The following SLC24A2 variants were observed in gnomAD, a reference collection of about 807,000 sequenced individuals.
The protein encoded by SLC24A2 is sodium/potassium/calcium exchanger 2.
A neutral mutation model predicts 62.0 loss-of-function variants in SLC24A2; 36 were observed. That is an observed-to-expected ratio of 0.58 (90% CI 0.44 to 0.77). SLC24A2 has a LOEUF of 0.77. Ranked by LOEUF, SLC24A2 falls within the 30% of genes least tolerant of loss-of-function variation. The pLI is 0.00. For missense variants in SLC24A2, 846 were observed against 817.9 expected, an observed-to-expected ratio of 1.03 and a Z score of -0.42; for synonymous variants, 358 against 294.0, an observed-to-expected ratio of 1.22 and a Z score of -2.23.
the SLC24A2 span, among the ~76,000 whole-genome samples, chr9:19,881,006 CT>C: frequency 3.9e-5 from 6 of 152,120 alleles, no homozygotes; most frequent in African/African-American, 1.4e-4. Context: ...CTATGCCTCC[CT>C]TTTCCTTCTG....
rs141727924 is a variant in SLC24A2, at chr9:19,548,085, C to T, written c.1479+2052G>A. 1.1e-3 allele frequency among the ~76,000 whole-genome samples: 170 copies of T among 151,668 alleles called. 11 individuals carry two copies. Among genetic ancestry groups the T allele is most frequent in the African/African-American group, 3.8e-3 (157 of 40,962 alleles). ...ACTGCTGGGAGTCCATACAAGGAGTCCTTTCTTGTTGTCTACTTGACAAGA... is the reference window on the plus strand; with the variant it reads ...ACTGCTGGGAGTCCATACAAGGAGTTCTTTCTTGTTGTCTACTTGACAAGA... On this transcript the variant is annotated intron_variant, in intron 8 of 10. Transcript: ENST00000341998.
chr9:19,634,420 C>G (rs1242750655), intron 2 of SLC24A2, among the ~76,000 whole-genome samples: 2 of 152,030 alleles, frequency 1.3e-5, no homozygotes, highest in East Asian at 1.9e-4. Context: ...TCCTGAGTAG[C>G]TGGGAATACA....
At chr9:19,703,946 A>T (rs1024194524) in intron 2 of SLC24A2, among the ~76,000 whole-genome samples, 2 of 152,196 alleles carry the variant, frequency 1.3e-5, no homozygotes, top group Non-Finnish European at 2.9e-5. Flanking sequence ...ATAATGATGG[A>T]TATATGCTAA....
intron 7 of SLC24A2, among the ~76,000 whole-genome samples, chr9:19,568,126 A>C (rs1463644617): frequency 6.6e-6 from 1 of 152,166 alleles, no homozygotes; most frequent in Non-Finnish European, 1.5e-5. Flanking sequence ...TAAAAATACA[A>C]CTCAAAAGGA....
chr9:20,077,878 T>C, the SLC24A2 span, among the ~76,000 whole-genome samples: 1 of 152,178 alleles, frequency 6.6e-6, no homozygotes, highest in Non-Finnish European at 1.5e-5. Flanking sequence ...ACCCATTTTA[T>C]CTGTAAAACA....
At chr9:19,552,855 T>A (rs546263905) in intron 7 of SLC24A2, among the ~76,000 whole-genome samples, 2 of 152,232 alleles carry the variant, frequency 1.3e-5, no homozygotes, top group African/African-American at 4.8e-5. Context: ...AAAATAATAA[T>A]TGTCTGTTTA....
chr9:20,190,511 C>A, the SLC24A2 span, among the ~76,000 whole-genome samples: 1 of 152,144 alleles, frequency 6.6e-6, no homozygotes, highest in Non-Finnish European at 1.5e-5. Context: ...TAATATACAT[C>A]ATATATTGTG....
the SLC24A2 span, among the ~76,000 whole-genome samples, chr9:19,990,630 CAAAACAAAAAAAAAAAA>C: frequency 1.5e-4 from 18 of 116,586 alleles, no homozygotes; most frequent in African/African-American, 5.6e-4. Flanking sequence ...AAAAAAAAAA[CAAAACAAAAAAAAAAAA>C]GGAAAAGAAA....
At chr9:19,751,574 A>G (rs1013436697) in intron 2 of SLC24A2, among the ~76,000 whole-genome samples, 1 of 152,142 alleles carries the variant, frequency 6.6e-6, no homozygotes, top group African/African-American at 2.4e-5. Context: ...ACTTCAGCCA[A>G]TGCTGGGGAG....
At chr9:20,030,977 GA>G in the SLC24A2 span, among the ~76,000 whole-genome samples, 2 of 152,070 alleles carry the variant, frequency 1.3e-5, no homozygotes, top group African/African-American at 4.8e-5. Context: ...CCCTTTTGGT[GA>G]GGAAAAGATT....
the SLC24A2 span, among the ~76,000 whole-genome samples, chr9:20,051,657 C>CTTATTTTTTTT: frequency 1.4e-5 from 1 of 73,514 alleles, no homozygotes; most frequent in Admixed American, 2.0e-4. Context: ...TTTTCTTTCT[C>CTTATTTTTTTT]TTTTTTTTTT....
chr9:20,248,218 A>T, the SLC24A2 span, among the ~76,000 whole-genome samples: 1 of 152,064 alleles, frequency 6.6e-6, no homozygotes, highest in Non-Finnish European at 1.5e-5. Context: ...AATGCAAGGA[A>T]CCCGTATGGG....
the SLC24A2 span, among the ~76,000 whole-genome samples, chr9:20,221,503 A>T: frequency 6.6e-6 from 1 of 152,092 alleles, no homozygotes; most frequent in Non-Finnish European, 1.5e-5. Context: ...TAAGAGGAGA[A>T]GGTATGACAT....
the SLC24A2 span, among the ~76,000 whole-genome samples, chr9:19,948,311 G>A: frequency 6.6e-6 from 1 of 152,116 alleles, no homozygotes; most frequent in Non-Finnish European, 1.5e-5. Flanking sequence ...AAAAATGAAG[G>A]CAGGCTCCCA....
intron 2 of SLC24A2, among the ~76,000 whole-genome samples, chr9:19,663,352 G>T (rs866964826): frequency 6.6e-6 from 1 of 152,142 alleles, no homozygotes; most frequent in Non-Finnish European, 1.5e-5. Context: ...CCTTCCGATC[G>T]CTTCAAATAA....
At chr9:20,273,219 G>A in the SLC24A2 span, among the ~76,000 whole-genome samples, 2 of 152,330 alleles carry the variant, frequency 1.3e-5, no homozygotes, top group East Asian at 3.9e-4. Context: ...GTCACCCTCA[G>A]ACACTGCCCC....
intron 4 of SLC24A2, among the ~76,000 whole-genome samples, chr9:19,613,436 A>G (rs76461883): frequency 0.016 from 2,455 of 152,278 alleles, 61 homozygotes; most frequent in African/African-American, 0.056. Context: ...AAGGCACAGG[A>G]TGAGGAGGAC....
the SLC24A2 span, among the ~76,000 whole-genome samples, chr9:20,237,664 T>C: frequency 6.6e-6 from 1 of 152,234 alleles, no homozygotes; most frequent in Non-Finnish European, 1.5e-5. Flanking sequence ...CACCTGGCAC[T>C]GGGAAGCACT....
chr9:19,997,953 AGTTAC>A, the SLC24A2 span, among the ~76,000 whole-genome samples: 69 of 152,242 alleles, frequency 4.5e-4, no homozygotes, highest in Admixed American at 4.5e-3. Flanking sequence ...AGGCCCTCCT[AGTTAC>A]TATCTCTTAG....
Sources: allele counts gnomAD v4.1 joint callset (sites outside exome capture counted in the v4.1 genomes callset), GRCh38; gene constraint gnomAD v4.1.1; transcripts MANE v1.5; gene names NCBI Gene and HGNC (gene_info 2026-07-23, HGNC 2026-07-21).